The following SRP54 variants were observed in gnomAD, a reference collection of about 807,000 sequenced individuals.
SRP54 encodes the protein signal recognition particle 54.
SRP54 carries 10 observed loss-of-function variants against 64.8 expected under a neutral mutation model. The ratio of observed to expected loss-of-function variants is 0.15; its 90% CI spans 0.10 to 0.26. The LOEUF is 0.26. SRP54 is among the 10% of genes least tolerant of loss of function. The pLI is 1.00. For missense variants in SRP54, 325 were observed against 613.7 expected, an observed-to-expected ratio of 0.53 and a Z score of 4.97; for synonymous variants, 193 against 185.6, an observed-to-expected ratio of 1.04 and a Z score of -0.32.
At chr14:34,999,444 A>G in intron 2 of SRP54, 114 bp from the exon 3 acceptor site, 1 of 675,488 alleles carries the variant, frequency 1.5e-6, no homozygotes. Context: ...TAACTGAAAA[A>G]CCCAGTAGTG....
intron 14 of SRP54, among the ~76,000 whole-genome samples, chr14:35,027,008 T>C (rs1228944401): frequency 6.7e-6 from 1 of 150,096 alleles, no homozygotes; most frequent in Non-Finnish European, 1.5e-5. Flanking sequence ...CTCAGACTCA[T>C]ACTTTACTTT....
chr14:34,985,665 T>C (rs958509188), intron 1 of SRP54, among the ~76,000 whole-genome samples: 5 of 152,218 alleles, frequency 3.3e-5, no homozygotes, highest in African/African-American at 1.2e-4. Flanking sequence ...TTCTGTTGTT[T>C]TCTTTGGGAC....
chr14:35,019,109 G>A (rs375190853), intron 13 of SRP54, 35 bp downstream of exon 13: 5 of 1,414,182 alleles, frequency 3.5e-6, no homozygotes, highest in East Asian at 2.3e-5. Flanking sequence ...AGGCAAAAAT[G>A]TTCTGAGTAT....
intron 1 of SRP54, among the ~76,000 whole-genome samples, chr14:34,991,109 CT>C (rs71435838): frequency 0.019 from 2,082 of 111,066 alleles, 47 homozygotes; most frequent in African/African-American, 0.062. Flanking sequence ...AATTTCTTTT[CT>C]TTTTTTTTTT....
rs1211048627 is a variant in SRP54 at position 34,999,586 on chromosome 14, G to T, written c.107G>T (p.Cys36Phe). 6.2e-7 allele frequency: 1 copy of T among 1,613,290 alleles called. No individual in the cohort carries two copies. ...TTGAATGCTATGCTAAAAGAAGTCT[G>T]TACCGCTTTGTTGGAAGCAGATGTT... is the stretch of plus-strand genomic sequence containing the variant. ...EVLNAMLKEV[C>F]TALLEADVNI... Residue 36 changes from cysteine (C) to phenylalanine (F), a missense_variant, in exon 3 of 16, where the codon TGT (cysteine) becomes TTT (phenylalanine). Coordinates refer to ENST00000216774, the MANE Select transcript of SRP54 (RefSeq NM_003136.4).
At chr14:35,004,952 G>T (rs2044233581) in intron 4 of SRP54, among the ~76,000 whole-genome samples, 1 of 152,106 alleles carries the variant, frequency 6.6e-6, no homozygotes. Flanking sequence ...TTTATGGATG[G>T]CTTGGCAGAC....
intron 1 of SRP54, among the ~76,000 whole-genome samples, chr14:34,989,274 G>A (rs1313416374): frequency 6.6e-6 from 1 of 152,124 alleles, no homozygotes; most frequent in Non-Finnish European, 1.5e-5. Context: ...GGGAGGCCAC[G>A]GTGGGTGGAT....
chr14:35,013,247 A>T, intron 8 of SRP54, 99 bp from the exon 9 acceptor site: 1 of 1,163,692 alleles, frequency 8.6e-7, no homozygotes, highest in Non-Finnish European at 1.2e-6. Flanking sequence ...GAGCCACTGC[A>T]CCTGGCTCTA....
chr14:35,028,807 C>G (rs1331258213), intron 15 of SRP54, among the ~76,000 whole-genome samples: 1 of 152,010 alleles, frequency 6.6e-6, no homozygotes, highest in Non-Finnish European at 1.5e-5. Context: ...CGGTAGTATC[C>G]TAAGATCTTT....
chr14:35,028,078 T>TC lies in SRP54; in HGVS notation c.1328-10_1328-9insC, dbSNP rs775966251. 1.0e-5 allele frequency: 16 copies of TC among 1,597,236 alleles called. No individual in the cohort carries two copies. In the East Asian group the frequency reaches 3.6e-4, roughly 36 times the overall value. The stretch of plus-strand genomic sequence containing the variant: ...ACGCTGACTCAAAATCTTTTTTTTT[T>TC]TCCCCTCAGGTGGCGACATGTCTAA... On this transcript the variant is annotated splice_polypyrimidine_tract_variant and intron_variant, in intron 14 of 15. Transcript: ENST00000216774.
At chr14:35,023,828 T>C (rs886808059) in intron 14 of SRP54, among the ~76,000 whole-genome samples, 6 of 120,800 alleles carry the variant, frequency 5.0e-5, no homozygotes, top group African/African-American at 1.7e-4. Context: ...ACACACTTCT[T>C]CTGAGTAATA....
intron 5 of SRP54, among the ~76,000 whole-genome samples, chr14:35,007,607 C>A (rs2044280397): frequency 1.4e-5 from 2 of 139,094 alleles, no homozygotes; most frequent in African/African-American, 2.6e-5. Flanking sequence ...AATATATTTA[C>A]ATAAAATATA....
rs61509012 is a variant in SRP54, at chr14:35,003,933, A to AAAAT, written c.255+2937_255+2940dup. 6.4e-3 allele frequency among the ~76,000 whole-genome samples: 951 copies of AAAAT among 147,832 alleles called. 6 individuals carry two copies. The highest frequency in any genetic ancestry group is 9.6e-3 in the Non-Finnish European group (644 of 66,980). ...TGGGTGACAGAGCGAGACCTGTCTC[A>AAAAT]AAATAAATAAATAAATAAATAAATA... On this transcript the variant is annotated intron_variant, in intron 4 of 15. Transcript: ENST00000216774.
intron 4 of SRP54, among the ~76,000 whole-genome samples, chr14:35,005,156 A>C (rs535390564): frequency 9.7e-4 from 147 of 152,196 alleles, no homozygotes; most frequent in African/African-American, 3.4e-3. Flanking sequence ...ACATAGCAAT[A>C]CTCCATCTCT....
chr14:35,023,779 G>C (rs1371059646), intron 14 of SRP54, among the ~76,000 whole-genome samples: 1 of 116,934 alleles, frequency 8.6e-6, no homozygotes, highest in South Asian at 2.8e-4. Flanking sequence ...GTGAGACTCC[G>C]GTCCCCAAAC....
At chr14:35,002,037 T>TA (rs1157506657) in intron 4 of SRP54, among the ~76,000 whole-genome samples, 552 of 137,728 alleles carry the variant, frequency 4.0e-3, no homozygotes, top group African/African-American at 5.3e-3. Context: ...CCAGTCTCTA[T>TA]AAAAAAAAAA....
In SRP54 at chr14:35,000,956, A is replaced by G; in HGVS notation, c.191A>G (p.Glu64Gly). The part of the protein sequence containing the change: ...ENVKSAIDLE[E>G]MASGLNKRKM... ...TAAAGGTCTGCTATTGATCTTGAAG[A>G]GATGGCATCTGGTCTTAACAAAAGA... is the stretch of plus-strand genomic sequence containing the variant. Residue 64 changes from glutamate to glycine, a missense_variant, in exon 4 of 16, where the codon GAG becomes GGG. Transcript: ENST00000216774. 1 of 1,592,908 alleles carries G rather than the reference A, an allele frequency of 6.3e-7. No homozygotes were observed. The highest frequency in any genetic ancestry group is 8.5e-7 in the Non-Finnish European group (1 of 1,170,824).
intron 13 of SRP54, among the ~76,000 whole-genome samples, chr14:35,020,059 C>T (rs970340858): frequency 2.6e-5 from 4 of 152,230 alleles, no homozygotes; most frequent in East Asian, 3.9e-4. Flanking sequence ...GTGGCACACA[C>T]CTGTAATCCC....
In SRP54 at chr14:35,007,275, G is replaced by T; in HGVS notation, c.256-8G>T. Reference sequence around the variant, plus strand: ...TGATTTTATTTTTAATTTATTTTTGGTATTTAGCTTGTAGACCCTGGAGTT... The same window carrying T: ...TGATTTTATTTTTAATTTATTTTTGTTATTTAGCTTGTAGACCCTGGAGTT... On this transcript the variant is annotated splice_region_variant and splice_polypyrimidine_tract_variant and intron_variant, in intron 4 of 15. Coordinates refer to ENST00000216774, the MANE Select transcript of SRP54 (RefSeq NM_003136.4). 1 of 1,536,566 alleles carries T rather than the reference G, an allele frequency of 6.5e-7. No homozygotes were observed. Among genetic ancestry groups the T allele is most frequent in the Non-Finnish European group, 8.9e-7 (1 of 1,126,440 alleles).
Sources: gnomAD v4.1 joint callset for allele counts (sites outside exome capture counted in the v4.1 genomes callset) on GRCh38, gnomAD v4.1.1 for gene constraint, MANE v1.5 for transcripts, NCBI Gene and HGNC (gene_info 2026-07-23, HGNC 2026-07-21) for gene names.